The following ZNF888 variants were observed in gnomAD, a reference collection of about 807,000 sequenced individuals.
The protein encoded by ZNF888 is CTD-2331H12.6.
In ZNF888, 5 loss-of-function variants were observed where a neutral mutation model predicts 7.2. That is an observed-to-expected ratio of 0.70 (90% confidence interval 0.36 to 1.46). The LOEUF is 1.46. ZNF888 is among the 40% of genes most tolerant of loss of function. The pLI is 0.03. For missense variants in ZNF888, 716 were observed against 858.0 expected, an observed-to-expected ratio of 0.83 and a Z score of 2.07; for synonymous variants, 240 against 284.3, an observed-to-expected ratio of 0.84 and a Z score of 1.57.
At chr19:52,914,104 G>A (rs543173936) in intron 4 of ZNF888, among the ~76,000 whole-genome samples, 294 of 152,308 alleles carry the variant, frequency 1.9e-3, no homozygotes, top group African/African-American at 6.8e-3. Flanking sequence ...TAGCCTTGGC[G>A]ACAGAGTGAG....
At chr19:52,922,914 TG>T (rs11368314) in intron 1 of ZNF888, among the ~76,000 whole-genome samples, 80,741 of 150,472 alleles carry the variant, frequency 0.54, 22,414 homozygotes, top group African/African-American at 0.65. Context: ...AGGAGGGAGG[TG>T]GGGGGGAGAT....
At chr19:52,923,333 A>T (rs1477022502) in intron 1 of ZNF888, 36 bp downstream of exon 1, 2 of 985,680 alleles carry the variant, frequency 2.0e-6, no homozygotes, top group Non-Finnish European at 2.4e-6. Flanking sequence ...GGGGACCTGG[A>T]GGCACAGCCT....
intron 4 of ZNF888, among the ~76,000 whole-genome samples, chr19:52,911,200 T>G (rs550111131): frequency 6.6e-6 from 1 of 151,942 alleles, no homozygotes; most frequent in African/African-American, 2.4e-5. Flanking sequence ...TTTAGTATAT[T>G]TGAGGTTTCA....
chr19:52,911,230 C>T (rs1440147195), intron 4 of ZNF888, among the ~76,000 whole-genome samples: 1 of 152,146 alleles, frequency 6.6e-6, no homozygotes, highest in Admixed American at 6.6e-5. Flanking sequence ...ACAGACTGGT[C>T]TCAAACTCCT....
Position 52,906,212 on chromosome 19 carries a change from T to C in ZNF888, c.2110A>G (p.Thr704Ala), listed in dbSNP as rs1169928860. 6.2e-7 allele frequency: 1 copy of C among 1,610,584 alleles called. No individual in the cohort carries two copies. The highest frequency in any genetic ancestry group is 8.5e-7 in the Non-Finnish European group (1 of 1,177,980). Residue 704 changes from threonine (T) to alanine (A), a missense_variant, in exon 5 of 5, where the codon ACA becomes GCA. By Grantham distance (58) the Thr-to-Ala change is moderately conservative. Transcript: ENST00000638862. ...ECGKAFRAQSTLIHHQAIHGV... is the reference protein window; with the variant it reads ...ECGKAFRAQSALIHHQAIHGV... Reference sequence around the variant, plus strand: ...TGGATTGCCTGATGGTGAATAAGTGTTGACTGTGCACGAAAGGCTTTGCCA... The same window carrying C: ...TGGATTGCCTGATGGTGAATAAGTGCTGACTGTGCACGAAAGGCTTTGCCA...
Position 52,906,870 on chromosome 19 carries a change from ATG to A in ZNF888, c.1450_1451del (p.His484Ter). 6 of 1,611,946 alleles carry A rather than the reference ATG, an allele frequency of 3.7e-6. No homozygotes were observed. The highest frequency in any genetic ancestry group is 5.1e-6 in the Non-Finnish European group (6 of 1,179,538). On this transcript the variant is annotated frameshift_variant, in exon 5 of 5. Coordinates refer to ENST00000638862, the MANE Select transcript of ZNF888 (RefSeq NM_001393938.1). LOFTEE classifies it low-confidence loss of function (END_TRUNC). ...VFSRKSHLER[H>X]RRIHTGEKPY... ...GTTTCTCACCAGTGTGAATTCTCCT[ATG>A]TCTTTCAAGGTGTGATTTGCGACTG...
In ZNF888 at chr19:52,920,185, C is replaced by T. The variant is rs182050093; in HGVS notation, c.-177-1248G>A. Among the ~76,000 whole-genome samples the T allele has an allele frequency of 2.7e-4, 16 of 59,170 alleles. 7 individuals carry two copies. The highest frequency in any genetic ancestry group is 5.5e-4 in the Non-Finnish European group (14 of 25,570). The allele number at this position is 59,170 out of a possible 152,430, so 38.8% of individuals were successfully genotyped here. A position where few individuals can be genotyped will look rare whatever the true frequency, so the allele number is the denominator to read the frequency against. On this transcript the variant is annotated intron_variant, in intron 1 of 4. Coordinates refer to ENST00000638862, the MANE Select transcript of ZNF888 (RefSeq NM_001393938.1). ...TGCCCGGCCACGACCCCGTCTGGGA[C>T]GTGTGCCCAGCGGCTCATTGGGGAT...
rs541531025 is a variant in ZNF888, at chr19:52,922,392, A to G, written c.-178+977T>C. ...TTCTCCCTCTGTTCTCCTTGCCACCAGCACCACTCTGCTCTGTCTGCCCTG... is the reference window on the plus strand; with the variant it reads ...TTCTCCCTCTGTTCTCCTTGCCACCGGCACCACTCTGCTCTGTCTGCCCTG... On this transcript the variant is annotated intron_variant, in intron 1 of 4. Transcript: ENST00000638862. 4.3e-4 allele frequency among the ~76,000 whole-genome samples: 66 copies of G among 151,954 alleles called. No individual in the cohort carries two copies. The South Asian group carries it at 5.8e-3, about 13-fold the overall frequency.
chr19:52,907,549 G>A lies in ZNF888; in HGVS notation c.773C>T (p.Ala258Val). Residue 258 changes from alanine to valine, a missense_variant, in exon 5 of 5, where the codon GCA (alanine) becomes GTA (valine). Ala to Val is a moderately conservative substitution (Grantham distance 64, BLOSUM62 0). Around this residue, in one of 2 missense-constraint regions of ZNF888, gnomAD observed 697 missense variants for 803.4 expected, o/e 0.87. Coordinates refer to ENST00000638862, the MANE Select transcript of ZNF888 (RefSeq NM_001393938.1). Reference protein sequence around the residue: ...GKDFNQKRYLAHHRRCHTGEK... With the variant: ...GKDFNQKRYLVHHRRCHTGEK... ...ACCAGTGTGACATCTACGATGGTGT[G>A]CAAGGTATCGCTTCTGATTAAAGTC... 3 of 1,609,558 alleles carry A rather than the reference G, an allele frequency of 1.9e-6. No homozygotes were observed. The highest frequency in any genetic ancestry group is 1.7e-5 in the Admixed American group (1 of 59,288).
intron 1 of ZNF888, among the ~76,000 whole-genome samples, chr19:52,922,683 G>C (rs916382040): frequency 1.3e-5 from 2 of 152,088 alleles, no homozygotes; most frequent in Admixed American, 6.6e-5. Flanking sequence ...ACTGCTCTCT[G>C]ATTCCCTCTC....
intron 4 of ZNF888, among the ~76,000 whole-genome samples, chr19:52,911,370 G>C (rs1292043826): frequency 7.0e-6 from 1 of 143,250 alleles, no homozygotes; most frequent in Admixed American, 7.1e-5. Flanking sequence ...ACGGAGTCTT[G>C]CTCTGTCGCC....
At chr19:52,915,096 A>G (rs11670377) in intron 4 of ZNF888, 100 bp downstream of exon 4, 244,825 of 1,478,338 alleles carry the variant, frequency 0.17, 13,432 homozygotes, top group South Asian at 0.24. Flanking sequence ...AAATCAATAC[A>G]GCTTCCATTT....
At chr19:52,913,320 CTTTTTTTTTT>C (rs34481338) in intron 4 of ZNF888, among the ~76,000 whole-genome samples, 1 of 92,078 alleles carries the variant, frequency 1.1e-5, no homozygotes, top group South Asian at 4.0e-4. Flanking sequence ...GTTATGGATT[CTTTTTTTTTT>C]TTTTTTTTTT....
chr19:52,906,129 T>C lies in ZNF888; in HGVS notation c.*36A>G. 6 of 1,612,784 alleles carry C rather than the reference T, an allele frequency of 3.7e-6. No homozygotes were observed. The highest frequency in any genetic ancestry group is 5.1e-6 in the Non-Finnish European group (6 of 1,179,054). On this transcript the variant is annotated 3_prime_UTR_variant, in exon 5 of 5. Coordinates refer to ENST00000638862, the MANE Select transcript of ZNF888 (RefSeq NM_001393938.1). ...GGATTCTTCAATGATTTGCAATGGT[T>C]GTAGCGTTACTGAAGACTTGGTGAC...
In ZNF888 at chr19:52,916,669, G is replaced by A. The variant is rs1476531835; in HGVS notation, c.15+1190C>T. ...GTTTTAAATATATAAAAAGTAGCAA[G>A]TTTTGTTTAAGTGAAGAGGAATCTC... On this transcript the variant is annotated intron_variant, in intron 3 of 4. Transcript: ENST00000638862. Among the ~76,000 whole-genome samples, 11 of 144,320 alleles carry A rather than the reference G, an allele frequency of 7.6e-5. 1 individual carries two copies. In the South Asian group the frequency reaches 2.3e-3, roughly 30 times the overall value. 94.7% of individuals were successfully genotyped at this position (144,320 alleles called of 152,430 possible). A position where few individuals can be genotyped will look rare whatever the true frequency, so the allele number is the denominator to read the frequency against.
chr19:52,911,327 TTTTTG>T (rs1306372179), intron 4 of ZNF888, among the ~76,000 whole-genome samples: 1 of 142,728 alleles, frequency 7.0e-6, no homozygotes. Context: ...AAGCTATTTC[TTTTTG>T]TTTTCTTTTC....
At chr19:52,919,948 A>G (rs1568749915) in intron 1 of ZNF888, among the ~76,000 whole-genome samples, 3 of 52,358 alleles carry the variant, frequency 5.7e-5, no homozygotes, top group South Asian at 5.5e-4. Flanking sequence ...GGAAGTGAGG[A>G]GCCCCTCTGC....
In ZNF888 at chr19:52,917,842, A is replaced by C. The variant is rs1426417675; in HGVS notation, c.15+17T>G. ...AAAGGAAGGAGACAGAACAATCCAC[A>C]GAGAATATCATCTCACCTGAGGAAG... On this transcript the variant is annotated intron_variant, in intron 3 of 4. Coordinates refer to ENST00000638862, the MANE Select transcript of ZNF888 (RefSeq NM_001393938.1). 9 of 1,613,482 alleles carry C rather than the reference A, an allele frequency of 5.6e-6. No individual in the cohort carries two copies. The Middle Eastern group carries it at 4.9e-4, about 89-fold the overall frequency.
Position 52,906,046 on chromosome 19 carries a change from G to T in ZNF888, c.*119C>A. ...AGTTCACCCATGAACTACAGCGTAT[G>T]AACGATGTCTGAAAAATTTGCCACA... On this transcript the variant is annotated 3_prime_UTR_variant, in exon 5 of 5. Transcript: ENST00000638862. 1.4e-6 allele frequency: 2 copies of T among 1,425,724 alleles called. No homozygotes were observed. Among genetic ancestry groups the T allele is most frequent in the South Asian group, 2.3e-5 (2 of 86,356 alleles). The allele number at this position is 1,425,724 out of a possible 1,614,324, so 88.3% of individuals were successfully genotyped here.
Sources: allele counts gnomAD v4.1 joint callset (sites outside exome capture counted in the v4.1 genomes callset), GRCh38; gene constraint gnomAD v4.1.1; regional missense constraint gnomAD v4.1.1; transcripts MANE v1.5; gene names NCBI Gene and HGNC (gene_info 2026-07-23, HGNC 2026-07-21).